MAPK10: variants seen among roughly 807,000 people sequenced by gnomAD.
MAPK10 encodes the protein mitogen-activated protein kinase 10, also known as JNK3 alpha protein kinase.
In MAPK10, 25 loss-of-function variants were observed where a neutral mutation model predicts 59.3. The observed-to-expected ratio is 0.42, with a 90% CI of 0.31 to 0.59. The LOEUF (loss-of-function observed/expected upper bound fraction) is 0.59. Ranked by LOEUF, MAPK10 falls within the 20% of genes least tolerant of loss-of-function variation. The probability of loss-of-function intolerance (pLI) is 0.15; values close to 1 mark genes in which losing one functional copy is unlikely to be tolerated. For missense variants in MAPK10, 351 were observed against 568.9 expected (o/e 0.62, Z 3.90); for synonymous variants, 190 against 200.5 (o/e 0.95, Z 0.44).
At position 86,370,558 on chromosome 4, in the gene MAPK10, G is replaced by C. The variant is rs1251627169; in HGVS notation, c.-121-15914C>G. ...TGGTCACCATCAAAAAGGAGTTTGT[G>C]ATCTTATTGTTAGACTGGACCACTT... On this transcript the variant is annotated intron_variant, in intron 1 of 13. Transcript: ENST00000361569. Among the ~76,000 whole-genome samples, 4 of 151,820 alleles carry C rather than the reference G, an allele frequency of 2.6e-5. No homozygotes were observed. The East Asian group carries it at 7.8e-4, about 29-fold the overall frequency.
At chr4:86,447,248 G>A (rs1228668463) in intron 1 of MAPK10, among the ~76,000 whole-genome samples, 1 of 152,022 alleles carries the variant, frequency 6.6e-6, no homozygotes, top group Non-Finnish European at 1.5e-5. Context: ...TTTTTAAGGG[G>A]CTCTTCCCAC....
At chr4:86,581,676 T>TTGTGTGTG (rs56210798) in intron 1 of MAPK10, among the ~76,000 whole-genome samples, 15 of 136,866 alleles carry the variant, frequency 1.1e-4, no homozygotes, top group African/African-American at 1.6e-4. Context: ...TTTTCAGTTA[T>TTGTGTGTG]TGTGTGTGTG....
At chr4:86,038,920 C>A (rs967230349) in intron 11 of MAPK10, among the ~76,000 whole-genome samples, 2 of 152,130 alleles carry the variant, frequency 1.3e-5, no homozygotes, top group African/African-American at 4.8e-5. Context: ...TAAGCAATGA[C>A]CTGGTTTCCA....
At chr4:86,228,978 C>T (rs1443132311) in intron 2 of MAPK10, among the ~76,000 whole-genome samples, 1 of 152,124 alleles carries the variant, frequency 6.6e-6, no homozygotes, top group Non-Finnish European at 1.5e-5. Context: ...TATAGTTCTA[C>T]AAGTCTCTAA....
chr4:86,248,606 T>C (rs1171804498), intron 2 of MAPK10, among the ~76,000 whole-genome samples: 1 of 152,212 alleles, frequency 6.6e-6, no homozygotes, highest in Non-Finnish European at 1.5e-5. Context: ...GGAAGTTTTA[T>C]AGAGCTCATG....
chr4:86,295,388 A>G (rs753831475), intron 2 of MAPK10, among the ~76,000 whole-genome samples: 2 of 151,874 alleles, frequency 1.3e-5, no homozygotes, highest in Non-Finnish European at 2.9e-5. Flanking sequence ...CCTCCTTCCC[A>G]GCTTTATTTT....
At chr4:86,391,808 G>A (rs1742225711) in intron 1 of MAPK10, among the ~76,000 whole-genome samples, 1 of 152,158 alleles carries the variant, frequency 6.6e-6, no homozygotes. Context: ...TGATTACCCA[G>A]CATGCATTCA....
Position 86,485,732 on chromosome 4 carries a change from G to T in MAPK10, c.-263+108178C>A, listed in dbSNP as rs143102197. Among the ~76,000 whole-genome samples, 1,219 of 152,284 alleles carry T rather than the reference G, an allele frequency of 8.0e-3. 12 individuals are homozygous for T. Among genetic ancestry groups the T allele is most frequent in the Middle Eastern group, 0.017 (5 of 294 alleles). On this transcript the variant is annotated intron_variant, in intron 1 of 4. Coordinates refer to the MAPK10 transcript ENST00000502302. ...TCCATTGACTGTATTTGGAGATAAG[G>T]TCTGTAAAGAGATAATTACAGTTAC...
chr4:86,021,684 T>A (rs6531891), intron 13 of MAPK10, among the ~76,000 whole-genome samples: 1 of 152,132 alleles, frequency 6.6e-6, no homozygotes, highest in African/African-American at 2.4e-5. Flanking sequence ...AGGCTCGGGC[T>A]GCACAGGAGC....
intron 1 of MAPK10, among the ~76,000 whole-genome samples, chr4:86,368,408 G>A (rs914577268): frequency 3.3e-5 from 5 of 152,102 alleles, no homozygotes; most frequent in Admixed American, 6.6e-5. Flanking sequence ...CATTCTTTGC[G>A]TTGTGCATTT....
chr4:86,226,384 T>G (rs955035268), intron 2 of MAPK10, among the ~76,000 whole-genome samples: 3 of 152,208 alleles, frequency 2.0e-5, no homozygotes, highest in African/African-American at 7.2e-5. Context: ...TAGATGATGC[T>G]AAATACAATG....
At chr4:86,065,880 T>G (rs1444607171) in intron 10 of MAPK10, among the ~76,000 whole-genome samples, 1 of 152,204 alleles carries the variant, frequency 6.6e-6, no homozygotes, top group East Asian at 1.9e-4. Context: ...CAATTTTTAT[T>G]TAATCAATTT....
chr4:86,036,428 G>C (rs1346607539), intron 11 of MAPK10, among the ~76,000 whole-genome samples: 1 of 129,992 alleles, frequency 7.7e-6, no homozygotes, highest in South Asian at 3.0e-4. Flanking sequence ...CTGAGAACTT[G>C]ATAAAAAAAA....
chr4:86,567,422 A>G (rs1172025502), intron 1 of MAPK10, among the ~76,000 whole-genome samples: 1 of 152,004 alleles, frequency 6.6e-6, no homozygotes, highest in African/African-American at 2.4e-5. Context: ...GTTTCACCAT[A>G]TTGGTCAGGC....
chr4:86,370,080 C>T (rs1160211056), intron 1 of MAPK10, among the ~76,000 whole-genome samples: 2 of 152,138 alleles, frequency 1.3e-5, no homozygotes, highest in African/African-American at 4.8e-5. Flanking sequence ...CCTGACATAA[C>T]GTTGTAAGCT....
intron 4 of MAPK10, among the ~76,000 whole-genome samples, chr4:86,114,327 T>C (rs984846059): frequency 1.3e-5 from 2 of 152,242 alleles, no homozygotes; most frequent in Admixed American, 6.5e-5. Flanking sequence ...CATATTTGCA[T>C]TGATTCTTTC....
intron 2 of MAPK10, among the ~76,000 whole-genome samples, chr4:86,220,587 T>C (rs1392984520): frequency 6.6e-6 from 1 of 152,250 alleles, no homozygotes; most frequent in Non-Finnish European, 1.5e-5. Flanking sequence ...TATATACATA[T>C]ATGATTAACT....
chr4:86,367,520 T>C (rs1191199880), intron 1 of MAPK10, among the ~76,000 whole-genome samples: 1 of 152,144 alleles, frequency 6.6e-6, no homozygotes, highest in East Asian at 1.9e-4. Flanking sequence ...AGCAGGTCTA[T>C]GCAAACCTAC....
intron 4 of MAPK10, among the ~76,000 whole-genome samples, chr4:86,118,999 T>C (rs754374244): frequency 1.3e-5 from 2 of 152,200 alleles, no homozygotes; most frequent in Non-Finnish European, 2.9e-5. Flanking sequence ...TCAGCCCAAA[T>C]ATTATCTCCT....
Sources: allele counts gnomAD v4.1 joint callset (sites outside exome capture counted in the v4.1 genomes callset), GRCh38; gene constraint gnomAD v4.1.1; transcripts MANE v1.5; gene names NCBI Gene and HGNC (gene_info 2026-07-23, HGNC 2026-07-21).